Variants in LRP1B observed in about 807,000 individuals in gnomAD.
LRP1B encodes low-density lipoprotein receptor-related protein 1B.
LRP1B carries 217 observed loss-of-function variants against 556.6 expected under a neutral mutation model. The observed-to-expected ratio is 0.39, with a 90% CI of 0.35 to 0.44. The LOEUF (loss-of-function observed/expected upper bound fraction) is 0.44, where lower values mean the gene tolerates loss of function less well. LRP1B is among the 20% of genes least tolerant of loss of function. The probability of loss-of-function intolerance (pLI) is 1.00; values close to 1 mark genes in which losing one functional copy is unlikely to be tolerated. For missense variants in LRP1B, 5,053 were observed against 5,620.8 expected, an observed-to-expected ratio of 0.90 and a Z score of 3.23; for synonymous variants, 2,047 against 1,865.8, an observed-to-expected ratio of 1.10 and a Z score of -2.50.
At chr2:140,418,056 G>A (rs761251879) in intron 66 of LRP1B, among the ~76,000 whole-genome samples, 3 of 152,170 alleles carry the variant, frequency 2.0e-5, no homozygotes, top group Non-Finnish European at 2.9e-5. Context: ...AGAATGGGAT[G>A]CAAAACTTGC....
At chr2:141,978,908 AGAAAAAAAT>A (rs1380573077) in intron 1 of LRP1B, among the ~76,000 whole-genome samples, 1 of 152,032 alleles carries the variant, frequency 6.6e-6, no homozygotes, top group Non-Finnish European at 1.5e-5. Context: ...ATTGGGTGAA[AGAAAAAAAT>A]GAAGAGAATA....
At chr2:140,607,570 G>A (rs1682913199) in intron 41 of LRP1B, among the ~76,000 whole-genome samples, 1 of 151,640 alleles carries the variant, frequency 6.6e-6, no homozygotes, top group Admixed American at 6.6e-5. Context: ...ATCCACGCTT[G>A]GAATTATTCA....
At chr2:140,243,734 C>T (rs928980880) in intron 87 of LRP1B, among the ~76,000 whole-genome samples, 1 of 151,102 alleles carries the variant, frequency 6.6e-6, no homozygotes, top group African/African-American at 2.4e-5. Context: ...CCACTCTCCC[C>T]CTTGTTCTCT....
intron 7 of LRP1B, among the ~76,000 whole-genome samples, chr2:141,096,115 C>T (rs561966872): frequency 2.0e-4 from 30 of 151,948 alleles, no homozygotes; most frequent in African/African-American, 6.3e-4. Context: ...GGATCTTGAA[C>T]GCTAAATATT....
chr2:141,110,102 T>A (rs1259780053), intron 7 of LRP1B, among the ~76,000 whole-genome samples: 1 of 151,526 alleles, frequency 6.6e-6, no homozygotes, highest in Non-Finnish European at 1.5e-5. Context: ...AGCTAAAACT[T>A]AAAAAAAACA....
At chr2:141,352,650 G>A (rs1334537502) in intron 3 of LRP1B, among the ~76,000 whole-genome samples, 1 of 151,744 alleles carries the variant, frequency 6.6e-6, no homozygotes, top group Admixed American at 6.6e-5. Context: ...ATAGAAATTT[G>A]TATATTACTA....
At chr2:140,769,180 T>C (rs2104934139) in intron 35 of LRP1B, 33 bp downstream of exon 35, 2 of 1,588,688 alleles carry the variant, frequency 1.3e-6, no homozygotes, top group Non-Finnish European at 1.7e-6. Flanking sequence ...AGTGAATATA[T>C]TATGCATAAA....
At chr2:140,900,687 T>C (rs1694078408) in intron 23 of LRP1B, among the ~76,000 whole-genome samples, 1 of 152,182 alleles carries the variant, frequency 6.6e-6, no homozygotes, top group Admixed American at 6.5e-5. Flanking sequence ...GTCTGTAACC[T>C]GAATTCTAAC....
chr2:141,539,289 A>G (rs1685171132), intron 2 of LRP1B, among the ~76,000 whole-genome samples: 1 of 152,152 alleles, frequency 6.6e-6, no homozygotes, highest in African/African-American at 2.4e-5. Flanking sequence ...CAACAGAGTT[A>G]TGATTCAGCT....
chr2:140,794,965 G>A (rs554419048), intron 32 of LRP1B, among the ~76,000 whole-genome samples: 2 of 151,964 alleles, frequency 1.3e-5, no homozygotes, highest in Admixed American at 6.6e-5. Flanking sequence ...TCCTCTAATG[G>A]AACTATAAGA....
intron 3 of LRP1B, among the ~76,000 whole-genome samples, chr2:141,437,598 A>C (rs1680809843): frequency 6.6e-6 from 1 of 152,040 alleles, no homozygotes; most frequent in Non-Finnish European, 1.5e-5. Flanking sequence ...CTACCTTAAG[A>C]ATAATATGAG....
At chr2:140,399,705 A>G (rs1684410460) in intron 66 of LRP1B, among the ~76,000 whole-genome samples, 1 of 152,190 alleles carries the variant, frequency 6.6e-6, no homozygotes, top group African/African-American at 2.4e-5. Context: ...AGCAGATTAC[A>G]TAAGGTCAGG....
intron 1 of LRP1B, among the ~76,000 whole-genome samples, chr2:142,105,149 G>T (rs1408584238): frequency 1.3e-5 from 2 of 152,100 alleles, no homozygotes; most frequent in African/African-American, 4.8e-5. Context: ...CTGAATGGAG[G>T]TGAAACCAAA....
intron 2 of LRP1B, among the ~76,000 whole-genome samples, chr2:141,634,124 A>G (rs1689013931): frequency 6.6e-6 from 1 of 151,920 alleles, no homozygotes; most frequent in Non-Finnish European, 1.5e-5. Context: ...TCTGAGAGAC[A>G]CTAAAATACA....
At chr2:141,594,972 C>A (rs1687467437) in intron 2 of LRP1B, among the ~76,000 whole-genome samples, 1 of 151,946 alleles carries the variant, frequency 6.6e-6, no homozygotes, top group African/African-American at 2.4e-5. Context: ...GTAACAATTA[C>A]CTTTGCATTA....
intron 3 of LRP1B, among the ~76,000 whole-genome samples, chr2:141,279,118 T>C (rs1685413344): frequency 6.6e-6 from 1 of 152,146 alleles, no homozygotes; most frequent in Non-Finnish European, 1.5e-5. Context: ...AATAGGACAT[T>C]TTAAATTAAC....
chr2:141,395,494 A>G (rs1690208610), intron 3 of LRP1B, among the ~76,000 whole-genome samples: 1 of 152,102 alleles, frequency 6.6e-6, no homozygotes, highest in Non-Finnish European at 1.5e-5. Context: ...TTATGTAAGT[A>G]CTCTCTATGA....
At chr2:141,077,453 T>G (rs763592079) in intron 7 of LRP1B, among the ~76,000 whole-genome samples, 1 of 152,182 alleles carries the variant, frequency 6.6e-6, no homozygotes. Context: ...TCTTTATTTT[T>G]TCTAATATCA....
intron 55 of LRP1B, among the ~76,000 whole-genome samples, chr2:140,496,951 T>G (rs2104877805): frequency 6.6e-6 from 1 of 151,262 alleles, no homozygotes; most frequent in South Asian, 2.1e-4. Flanking sequence ...ATAAAACTGA[T>G]GGCAGAGCTT....
Sources: allele counts gnomAD v4.1 joint callset (sites outside exome capture counted in the v4.1 genomes callset), GRCh38; gene constraint gnomAD v4.1.1; transcripts MANE v1.5; gene names NCBI Gene and HGNC (gene_info 2026-07-23, HGNC 2026-07-21).